The following THADA variants were observed in gnomAD, a reference collection of about 807,000 sequenced individuals.
THADA encodes the protein tRNA (32-2'-O)-methyltransferase regulator THADA.
THADA carries 213 observed loss-of-function variants against 219.8 expected under a neutral mutation model. The ratio of observed to expected loss-of-function variants is 0.97; its 90% confidence interval spans 0.87 to 1.09. The LOEUF is 1.09. Among genes scored for constraint, THADA ranks in the 50% least tolerant of loss-of-function variants. The probability of loss-of-function intolerance (pLI) is 0.00; values close to 1 mark genes in which losing one functional copy is unlikely to be tolerated. For synonymous variants in THADA, 1,018 were observed against 828.9 expected (o/e 1.23, Z -3.92); for missense variants, 2,956 against 2,311.3 (o/e 1.28, Z -5.72).
intron 29 of THADA, among the ~76,000 whole-genome samples, chr2:43,353,376 G>C (rs1355027600): frequency 1.3e-5 from 2 of 152,198 alleles, no homozygotes; most frequent in Non-Finnish European, 2.9e-5. Context: ...CCTAAGAGGA[G>C]TGAGGTGGCA....
chr2:43,301,086 A>G (rs139557460), intron 31 of THADA, among the ~76,000 whole-genome samples: 13 of 152,328 alleles, frequency 8.5e-5, no homozygotes, highest in African/African-American at 3.1e-4. Flanking sequence ...AGTTGGGCGC[A>G]GACAGCTGTA....
chr2:43,424,270 G>A (rs187369861), intron 28 of THADA, among the ~76,000 whole-genome samples: 22 of 152,276 alleles, frequency 1.4e-4, no homozygotes, highest in Non-Finnish European at 8.8e-5. Context: ...GAAACAAAAA[G>A]CTCTTGTTGG....
At chr2:43,248,232 CAGAG>C (rs557205792) in intron 36 of THADA, among the ~76,000 whole-genome samples, 26 of 77,882 alleles carry the variant, frequency 3.3e-4, no homozygotes, top group South Asian at 9.4e-4. Flanking sequence ...GAGAGAGAGA[CAGAG>C]AGAGAGAGAG....
chr2:43,255,679 G>A (rs963276880), intron 36 of THADA, among the ~76,000 whole-genome samples: 1 of 152,170 alleles, frequency 6.6e-6, no homozygotes, highest in African/African-American at 2.4e-5. Context: ...GAATGCTGTG[G>A]CCTCTAATAT....
chr2:43,498,985 G>C, intron 24 of THADA, 30 bp from the exon 25 acceptor site: 1 of 1,540,848 alleles, frequency 6.5e-7, no homozygotes. Flanking sequence ...ATTAGTTGTG[G>C]GTTGAAAACC....
chr2:43,420,233 A>G (rs1419027369), intron 28 of THADA, among the ~76,000 whole-genome samples: 6 of 152,248 alleles, frequency 3.9e-5, no homozygotes, highest in Admixed American at 2.0e-4. Context: ...TGTAGGCCTC[A>G]GTCCTTAGTG....
chr2:43,305,626 C>G (rs1260573783), intron 31 of THADA, among the ~76,000 whole-genome samples: 2 of 152,120 alleles, frequency 1.3e-5, no homozygotes, highest in African/African-American at 4.8e-5. Flanking sequence ...AAAGACTATC[C>G]TGGCAGCCCA....
At chr2:43,266,534 C>G (rs547228909) in intron 36 of THADA, among the ~76,000 whole-genome samples, 1 of 152,276 alleles carries the variant, frequency 6.6e-6, no homozygotes, top group African/African-American at 2.4e-5. Context: ...ACCTGGGAGG[C>G]AGAGCTTGCA....
chr2:43,290,341 C>T (rs1193601581), intron 34 of THADA, among the ~76,000 whole-genome samples: 1 of 151,984 alleles, frequency 6.6e-6, no homozygotes, highest in East Asian at 1.9e-4. Context: ...TCCCTCCACC[C>T]CACCTGACTT....
chr2:43,594,262 G>A (rs1352456111), intron 1 of THADA, among the ~76,000 whole-genome samples: 3 of 152,004 alleles, frequency 2.0e-5, no homozygotes, highest in Non-Finnish European at 4.4e-5. Flanking sequence ...CTTTCCAAGG[G>A]TTTCTAAATA....
chr2:43,373,606 A>G (rs1472375697), intron 29 of THADA, among the ~76,000 whole-genome samples: 1 of 151,994 alleles, frequency 6.6e-6, no homozygotes, highest in Admixed American at 6.6e-5. Flanking sequence ...CCTCCCAAGT[A>G]GCTGGGATTA....
At chr2:43,544,033 T>A (rs1695679818) in intron 20 of THADA, among the ~76,000 whole-genome samples, 1 of 152,222 alleles carries the variant, frequency 6.6e-6, no homozygotes, top group Non-Finnish European at 1.5e-5. Context: ...TAATCCGTCT[T>A]GAATTAATTT....
intron 36 of THADA, among the ~76,000 whole-genome samples, chr2:43,272,262 G>C (rs1005060686): frequency 6.6e-6 from 1 of 152,188 alleles, no homozygotes; most frequent in Non-Finnish European, 1.5e-5. Flanking sequence ...GTTGCCTTAG[G>C]AGTCTGGGTT....
At chr2:43,240,721 C>T (rs1404730366) in intron 36 of THADA, among the ~76,000 whole-genome samples, 1 of 152,220 alleles carries the variant, frequency 6.6e-6, no homozygotes, top group Non-Finnish European at 1.5e-5. Flanking sequence ...AGAGGAAGGT[C>T]AGTGTCCTAA....
At position 43,279,900 on chromosome 2, in the gene THADA, A is replaced by G. The variant is rs777097555; in HGVS notation, c.5165-4T>C. 15 of 1,516,306 alleles carry G rather than the reference A, an allele frequency of 9.9e-6. No individual in the cohort carries two copies. Among genetic ancestry groups the G allele is most frequent in the Non-Finnish European group, 1.1e-5 (13 of 1,138,408 alleles). The allele number at this position is 1,516,306 out of a possible 1,614,324, so 93.9% of individuals were successfully genotyped here. On this transcript the variant is annotated splice_polypyrimidine_tract_variant and splice_region_variant and intron_variant, in intron 35 of 37. Coordinates refer to ENST00000405975, the MANE Select transcript of THADA (RefSeq NM_022065.5). ...AGAGCAAGTGTATCCTGCAACTCTA[A>G]GAAGACCAAAAGGAATCTGAATTAC...
chr2:43,397,092 C>T (rs752118046), intron 29 of THADA, among the ~76,000 whole-genome samples: 4 of 152,094 alleles, frequency 2.6e-5, no homozygotes, highest in African/African-American at 9.7e-5. Context: ...ATAAGTAATG[C>T]GGGGTAGATC....
chr2:43,233,642 A>C (rs1667698937), intron 36 of THADA, among the ~76,000 whole-genome samples: 1 of 152,088 alleles, frequency 6.6e-6, no homozygotes, highest in Non-Finnish European at 1.5e-5. Flanking sequence ...GAGGAAGGGC[A>C]CTGAAAGAAT....
At position 43,574,393 on chromosome 2, in the gene THADA, G is replaced by A. The variant is rs1242627579; in HGVS notation, c.1672C>T (p.Pro558Ser). 1.9e-6 allele frequency: 3 copies of A among 1,609,026 alleles called. No individual in the cohort carries two copies. Among genetic ancestry groups the A allele is most frequent in the South Asian group, 1.1e-5 (1 of 90,256 alleles). The part of the protein sequence containing the change: ...YYLPKLLSYS[P>S]ESLQYMVKIL... ...TTTACCATGTACTGTAAGCTTTCAG[G>A]GCTGTAACTTAATAATTTTGGCAAG... Residue 558 changes from proline to serine, a missense_variant, in exon 11 of 38, where the codon CCT becomes TCT. Coordinates refer to ENST00000405975, the MANE Select transcript of THADA (RefSeq NM_022065.5).
At chr2:43,515,351 TTATA>T (rs1691565980) in intron 22 of THADA, among the ~76,000 whole-genome samples, 1 of 63,370 alleles carries the variant, frequency 1.6e-5, no homozygotes, top group East Asian at 3.6e-4. Flanking sequence ...ATATAATATT[TTATA>T]TATAATATAT....
Sources: gnomAD v4.1 joint callset for allele counts (sites outside exome capture counted in the v4.1 genomes callset) on GRCh38, gnomAD v4.1.1 for gene constraint, MANE v1.5 for transcripts, NCBI Gene and HGNC (gene_info 2026-07-23, HGNC 2026-07-21) for gene names.